KLRD1: variants seen among roughly 807,000 people sequenced by gnomAD.
KLRD1 encodes the protein natural killer cells antigen CD94.
KLRD1 carries 21 observed loss-of-function variants against 22.6 expected under a neutral mutation model. That is an observed-to-expected ratio of 0.93 (90% CI 0.66 to 1.34). The LOEUF (loss-of-function observed/expected upper bound fraction) is 1.34, where lower values mean the gene tolerates loss of function less well. Ranked by LOEUF, KLRD1 falls within the 40% of genes most tolerant of loss-of-function variation. The probability of loss-of-function intolerance (pLI) is 0.00; values close to 1 mark genes in which losing one functional copy is unlikely to be tolerated. For missense variants in KLRD1, 183 were observed against 208.6 expected, an observed-to-expected ratio of 0.88 and a Z score of 0.76; for synonymous variants, 59 against 71.1, an observed-to-expected ratio of 0.83 and a Z score of 0.85.
intron 1 of KLRD1, among the ~76,000 whole-genome samples, chr12:10,249,152 T>C (rs892333872): frequency 5.3e-5 from 8 of 152,174 alleles, no homozygotes; most frequent in Non-Finnish European, 1.2e-4. Context: ...CATGGAGTCA[T>C]TGGCATCAGC....
intron 1 of KLRD1, among the ~76,000 whole-genome samples, chr12:10,246,998 T>C (rs1353606227): frequency 2.0e-5 from 3 of 148,174 alleles, no homozygotes; most frequent in African/African-American, 7.5e-5. Flanking sequence ...CGTGGCACGA[T>C]CTCGGCTCAC....
intron 1 of KLRD1, among the ~76,000 whole-genome samples, chr12:10,293,089 T>C (rs1176399125): frequency 7.5e-6 from 1 of 133,770 alleles, no homozygotes. Flanking sequence ...GTTAGCGCCT[T>C]AGGCTTTGGC....
At chr12:10,251,211 G>A (rs1387795819) in intron 1 of KLRD1, among the ~76,000 whole-genome samples, 2 of 151,946 alleles carry the variant, frequency 1.3e-5, no homozygotes, top group East Asian at 1.9e-4. Context: ...TGCAACCTCC[G>A]CCTCCCAGGT....
At chr12:10,266,952 C>CT (rs141400455) in intron 1 of KLRD1, among the ~76,000 whole-genome samples, 4,503 of 142,630 alleles carry the variant, frequency 0.032, 239 homozygotes, top group African/African-American at 0.11. Flanking sequence ...TCTTATTATA[C>CT]TTTAAGTTTT....
intron 1 of KLRD1, among the ~76,000 whole-genome samples, chr12:10,296,933 T>C (rs1379544975): frequency 6.6e-6 from 1 of 152,222 alleles, no homozygotes; most frequent in Non-Finnish European, 1.5e-5. Context: ...GGAAGATGGC[T>C]CTGCTTTCTC....
Position 10,329,304 on chromosome 12 carries a change from T to G in KLRD1, c.*14511T>G, listed in dbSNP as rs931897943. 6.6e-6 allele frequency: 1 copy of G among 152,200 alleles called. No homozygotes were observed. Among genetic ancestry groups the G allele is most frequent in the East Asian group, 1.9e-4 (1 of 5,198 alleles). 9.4% of individuals were successfully genotyped at this position (152,200 alleles called of 1,614,324 possible). Reference sequence around the variant, plus strand: ...AAAAATGTATTGTTAAATTATCACATATTTATTAGTTTTCCTTTTGCAACT... The same window carrying G: ...AAAAATGTATTGTTAAATTATCACAGATTTATTAGTTTTCCTTTTGCAACT... On this transcript the variant is annotated 3_prime_UTR_variant, in exon 6 of 6. Transcript: ENST00000336164.
intron 1 of KLRD1, among the ~76,000 whole-genome samples, chr12:10,248,140 G>T (rs1438355511): frequency 6.6e-6 from 1 of 152,068 alleles, no homozygotes; most frequent in African/African-American, 2.4e-5. Flanking sequence ...TGTTGGTCCT[G>T]CATGTTTTAC....
In KLRD1 at chr12:10,266,517, G is replaced by A. The variant is rs553280740; in HGVS notation, c.-101+40284G>A. 3.0e-4 allele frequency among the ~76,000 whole-genome samples: 45 copies of A among 151,802 alleles called. 1 individual carries two copies. Among genetic ancestry groups the A allele is most frequent in the African/African-American group, 9.9e-4 (41 of 41,420 alleles). On this transcript the variant is annotated intron_variant, in intron 1 of 5. Transcript: ENST00000544747. ...GATAATATTATATGGATTTGAATAC[G>A]TATTCAAACTGTTTCAACTATTTTT...
chr12:10,290,158 C>T (rs1439082086), intron 1 of KLRD1, among the ~76,000 whole-genome samples: 1 of 149,930 alleles, frequency 6.7e-6, no homozygotes, highest in Admixed American at 6.6e-5. Context: ...TTTCCAACGC[C>T]CAAAATATAA....
upstream of KLRD1, chr12:10,304,653 C>T (rs1949897229): frequency 6.6e-6 from 1 of 152,222 alleles, no homozygotes; most frequent in Admixed American, 6.5e-5. Flanking sequence ...ATCCACCTGC[C>T]TTGGCCTCCA....
At chr12:10,257,665 G>T (rs56765350) in intron 1 of KLRD1, among the ~76,000 whole-genome samples, 121,251 of 151,280 alleles carry the variant, frequency 0.8, 53,147 homozygotes, top group Non-Finnish European at 0.98. Flanking sequence ...AACTTTTTGA[G>T]CATATTTAGT....
At chr12:10,295,328 T>C (rs2137671517) in intron 1 of KLRD1, among the ~76,000 whole-genome samples, 1 of 152,280 alleles carries the variant, frequency 6.6e-6, no homozygotes, top group Non-Finnish European at 1.5e-5. Flanking sequence ...GTTGTCTCTG[T>C]CTCCCTTGTG....
At chr12:10,286,968 T>A (rs1356021841) in intron 1 of KLRD1, among the ~76,000 whole-genome samples, 1 of 152,042 alleles carries the variant, frequency 6.6e-6, no homozygotes, top group Non-Finnish European at 1.5e-5. Context: ...CAAAACCCCA[T>A]TTCTACTAAG....
At chr12:10,240,614 C>G (rs938436454) in intron 1 of KLRD1, among the ~76,000 whole-genome samples, 1 of 151,740 alleles carries the variant, frequency 6.6e-6, no homozygotes, top group African/African-American at 2.4e-5. Context: ...TCAACTCACT[C>G]CCCAATCAAG....
Position 10,320,320 on chromosome 12 carries a change from C to G in KLRD1, c.*5527C>G, listed in dbSNP as rs563517182. 4 of 149,686 alleles carry G rather than the reference C, an allele frequency of 2.7e-5. No individual in the cohort carries two copies. Among genetic ancestry groups the G allele is most frequent in the African/African-American group, 9.8e-5 (4 of 40,884 alleles). 9.3% of individuals were successfully genotyped at this position (149,686 alleles called of 1,614,324 possible). ...TTGAAAACAGGCAGTGGATGGAGGCCAAAAGGACAGGAAAGACTGAAACCT... is the reference window on the plus strand; with the variant it reads ...TTGAAAACAGGCAGTGGATGGAGGCGAAAAGGACAGGAAAGACTGAAACCT... On this transcript the variant is annotated 3_prime_UTR_variant, in exon 6 of 6. Transcript: ENST00000336164.
chr12:10,326,005 A>T lies in KLRD1; in HGVS notation c.*11212A>T, dbSNP rs1242213086. 1 of 152,178 alleles carries T rather than the reference A, an allele frequency of 6.6e-6. No individual in the cohort carries two copies. The highest frequency in any genetic ancestry group is 2.4e-5 in the African/African-American group (1 of 41,442). 9.4% of individuals were successfully genotyped at this position (152,178 alleles called of 1,614,324 possible). ...CATTTGTTTGATAATAGCCATCCTT[A>T]TAAGTGAGAGATGATATTTGGTGGT... On this transcript the variant is annotated 3_prime_UTR_variant, in exon 6 of 6. Coordinates refer to ENST00000336164, the MANE Select transcript of KLRD1 (RefSeq NM_002262.5).
intron 1 of KLRD1, among the ~76,000 whole-genome samples, chr12:10,241,727 T>C (rs905302728): frequency 2.6e-5 from 4 of 152,150 alleles, no homozygotes; most frequent in African/African-American, 7.2e-5. Context: ...AAGGCTGATA[T>C]TGGATAGTAT....
At position 10,327,047 on chromosome 12, in the gene KLRD1, C is replaced by T. The variant is rs1007794745; in HGVS notation, c.*12254C>T. On this transcript the variant is annotated 3_prime_UTR_variant, in exon 6 of 6. Transcript: ENST00000336164. ...AAGGGCTTTACATTTTCAGTACTTA[C>T]ATTTAGGCTTTTAATCCATTTGAAA... The T allele has an allele frequency of 1.3e-5, 2 of 152,156 alleles. No individual in the cohort carries two copies. Among genetic ancestry groups the T allele is most frequent in the African/African-American group, 2.4e-5 (1 of 41,450 alleles). The allele number at this position is 152,156 out of a possible 1,614,324, so 9.4% of individuals were successfully genotyped here.
chr12:10,240,860 T>C (rs763757903), intron 1 of KLRD1, among the ~76,000 whole-genome samples: 1 of 152,266 alleles, frequency 6.6e-6, no homozygotes, highest in Non-Finnish European at 1.5e-5. Flanking sequence ...TTTTTGCTAT[T>C]GTTTTTGTTG....
Sources: allele counts gnomAD v4.1 joint callset (sites outside exome capture counted in the v4.1 genomes callset), GRCh38; gene constraint gnomAD v4.1.1; transcripts MANE v1.5; gene names NCBI Gene and HGNC (gene_info 2026-07-23, HGNC 2026-07-21).